Variants in CFAP61 observed in about 807,000 individuals in gnomAD.
The protein encoded by CFAP61 is cilia and flagella associated protein 61, also known as cilia- and flagella-associated protein 61.
A neutral mutation model predicts 135.6 loss-of-function variants in CFAP61; 107 were observed. That is an observed-to-expected ratio of 0.79 (90% CI 0.67 to 0.93). The LOEUF is 0.93. CFAP61 is among the 40% of genes least tolerant of loss of function. The pLI, the probability that CFAP61 is intolerant of heterozygous loss-of-function variation, is 0.00. For synonymous variants in CFAP61, 575 were observed against 578.5 expected, an observed-to-expected ratio of 0.99 and a Z score of 0.09; for missense variants, 1,507 against 1,556.2, an observed-to-expected ratio of 0.97 and a Z score of 0.53.
At chr20:20,168,737 C>T (rs1026463829) in intron 12 of CFAP61, among the ~76,000 whole-genome samples, 6 of 152,210 alleles carry the variant, frequency 3.9e-5, no homozygotes, top group Admixed American at 2.6e-4. Context: ...TGGCAGCCCT[C>T]AGGACATGCA....
intron 8 of CFAP61, among the ~76,000 whole-genome samples, chr20:20,136,965 TG>T (rs755462121): frequency 1.4e-4 from 22 of 152,264 alleles, no homozygotes; most frequent in Non-Finnish European, 2.9e-4. Flanking sequence ...CTGCATTAGG[TG>T]GGTACACAGA....
Position 20,189,417 on chromosome 20 carries a change from A to ACTGT in CFAP61, c.1512+1362_1512+1365dup, listed in dbSNP as rs1227850844. On this transcript the variant is annotated intron_variant, in intron 14 of 26. Coordinates refer to ENST00000245957, the MANE Select transcript of CFAP61 (RefSeq NM_015585.4). ...TTTTCTGGGAGTCTGCAAGGTAAAA[A>ACTGT]CTGTTTTATTCCTTTTCCACTGTGT... Among the ~76,000 whole-genome samples the ACTGT allele has an allele frequency of 2.0e-5, 3 of 147,840 alleles. No individual in the cohort carries two copies. The Admixed American group carries it at 2.0e-4, about 10-fold the overall frequency.
chr20:20,299,994 A>G (rs866312178), intron 25 of CFAP61, among the ~76,000 whole-genome samples: 2 of 152,354 alleles, frequency 1.3e-5, no homozygotes, highest in South Asian at 2.1e-4. Context: ...AACACGTTCC[A>G]GTCAACAATG....
chr20:20,251,536 C>G, intron 19 of CFAP61, 59 bp from the exon 20 acceptor site: 1 of 1,558,042 alleles, frequency 6.4e-7, no homozygotes, highest in Non-Finnish European at 8.8e-7. Context: ...CACCAGATGT[C>G]TAATTAATGC....
intron 2 of CFAP61, among the ~76,000 whole-genome samples, chr20:20,062,145 G>C (rs181550884): frequency 5.3e-5 from 8 of 152,272 alleles, no homozygotes; most frequent in Admixed American, 4.6e-4. Context: ...CCAGCCTCCA[G>C]CAAGAAGGAA....
chr20:20,355,213 G>A (rs1338311727), intron 26 of CFAP61, among the ~76,000 whole-genome samples: 1 of 145,960 alleles, frequency 6.9e-6, no homozygotes, highest in Non-Finnish European at 1.5e-5. Flanking sequence ...ACACTGTGAG[G>A]GGAGGTGATC....
intron 25 of CFAP61, among the ~76,000 whole-genome samples, chr20:20,321,339 C>T (rs1423046632): frequency 1.3e-5 from 2 of 151,542 alleles, no homozygotes; most frequent in African/African-American, 4.9e-5. Context: ...GGCCATGAGT[C>T]GTTAACTGTT....
intron 22 of CFAP61, among the ~76,000 whole-genome samples, chr20:20,287,895 G>A (rs2054712014): frequency 6.6e-6 from 1 of 152,220 alleles, no homozygotes; most frequent in African/African-American, 2.4e-5. Context: ...TGAAATTTGA[G>A]CACAGAATGG....
At position 20,251,653 on chromosome 20, in the gene CFAP61, G is replaced by A. The variant is rs769248052; in HGVS notation, c.2218G>A (p.Val740Met). Residue 740 changes from valine (V) to methionine (M), a missense_variant, in exon 20 of 27, where the codon GTG (valine) becomes ATG (methionine). By Grantham distance (21) the Val-to-Met change is conservative (BLOSUM62 1). Coordinates refer to ENST00000245957, the MANE Select transcript of CFAP61 (RefSeq NM_015585.4). ...LMSLCSWVNV[V>M]VGRMTGIDRA... The stretch of plus-strand genomic sequence containing the variant: ...GTCACTGTGCTCCTGGGTTAATGTC[G>A]TGGTGGGTAGAATGACCGGCATAGA... The A allele has an allele frequency of 2.0e-5, 32 of 1,614,098 alleles. No individual in the cohort carries two copies. The African/African-American group carries it at 3.2e-4, about 16-fold the overall frequency.
chr20:20,327,038 C>CT (rs1201822737), intron 25 of CFAP61, among the ~76,000 whole-genome samples: 2 of 151,694 alleles, frequency 1.3e-5, no homozygotes, highest in African/African-American at 4.8e-5. Flanking sequence ...TAGATGGAAT[C>CT]TTTTTGTTTC....
chr20:20,150,299 C>T (rs1013725679), intron 9 of CFAP61, among the ~76,000 whole-genome samples: 9 of 152,120 alleles, frequency 5.9e-5, no homozygotes, highest in East Asian at 1.9e-4. Context: ...TCACAAAAGA[C>T]GTAAAAGCTT....
At chr20:20,130,294 T>TAA (rs35009424) in intron 8 of CFAP61, among the ~76,000 whole-genome samples, 1 of 147,964 alleles carries the variant, frequency 6.8e-6, no homozygotes, top group Non-Finnish European at 1.5e-5. Flanking sequence ...GTCTCAGAAA[T>TAA]AAAAAAAAAA....
intron 2 of CFAP61, 108 bp from the exon 3 acceptor site, chr20:20,070,746 C>A: frequency 1.1e-6 from 1 of 921,090 alleles, no homozygotes; most frequent in Non-Finnish European, 1.6e-6. Flanking sequence ...ATTATCTGAC[C>A]TCATGCAGTG....
intron 9 of CFAP61, among the ~76,000 whole-genome samples, chr20:20,145,404 T>A (rs1015805665): frequency 5.9e-5 from 9 of 152,144 alleles, no homozygotes; most frequent in African/African-American, 1.9e-4. Context: ...AAGCCTATAG[T>A]TGAGATTAAA....
chr20:20,072,836 A>G (rs2045818106), intron 3 of CFAP61, among the ~76,000 whole-genome samples: 1 of 152,242 alleles, frequency 6.6e-6, no homozygotes, highest in Non-Finnish European at 1.5e-5. Flanking sequence ...AATAATTTTT[A>G]TAATGATTAC....
chr20:20,291,791 G>A (rs2147068176), intron 24 of CFAP61, among the ~76,000 whole-genome samples: 1 of 152,316 alleles, frequency 6.6e-6, no homozygotes, highest in Middle Eastern at 3.4e-3. Context: ...CCTCTAATAA[G>A]ATTCTCTGAC....
intron 25 of CFAP61, among the ~76,000 whole-genome samples, chr20:20,340,091 A>T (rs1293798439): frequency 6.6e-6 from 1 of 152,190 alleles, no homozygotes; most frequent in Non-Finnish European, 1.5e-5. Flanking sequence ...GGTCTCTGCC[A>T]GGAGCTTGGG....
intron 24 of CFAP61, among the ~76,000 whole-genome samples, chr20:20,294,635 A>G (rs1052864838): frequency 2.6e-5 from 4 of 152,222 alleles, no homozygotes; most frequent in Non-Finnish European, 4.4e-5. Flanking sequence ...ACGTTTAAAA[A>G]TAATACCAAA....
chr20:20,321,333 ATGAGTC>A (rs557981382), intron 25 of CFAP61, among the ~76,000 whole-genome samples: 264 of 152,330 alleles, frequency 1.7e-3, no homozygotes, highest in African/African-American at 5.9e-3. Context: ...AACATGGGCC[ATGAGTC>A]GTTAACTGTT....
Sources: allele counts gnomAD v4.1 joint callset (sites outside exome capture counted in the v4.1 genomes callset), GRCh38; gene constraint gnomAD v4.1.1; transcripts MANE v1.5; gene names NCBI Gene and HGNC (gene_info 2026-07-23, HGNC 2026-07-21).